Variants in XYLT1 observed in about 807,000 individuals in gnomAD.
XYLT1 encodes beta-D-xylosyltransferase 1.
XYLT1 carries 36 observed loss-of-function variants against 91.3 expected under a neutral mutation model. The ratio of observed to expected loss-of-function variants is 0.39; its 90% CI spans 0.30 to 0.52. XYLT1 has a LOEUF of 0.52. XYLT1 is among the 20% of genes least tolerant of loss of function. XYLT1 has a pLI of 0.68. For missense variants in XYLT1, 1,242 were observed against 1,284.5 expected (o/e 0.97, Z 0.51); for synonymous variants, 588 against 532.0 (o/e 1.11, Z -1.45).
chr16:17,359,257 G>T (rs1471164564), intron 1 of XYLT1, among the ~76,000 whole-genome samples: 3 of 152,162 alleles, frequency 2.0e-5, no homozygotes, highest in African/African-American at 7.2e-5. Context: ...TTGAAGCTTT[G>T]CTTTGTCTTA....
At chr16:17,310,248 C>T (rs1028844212) in intron 2 of XYLT1, among the ~76,000 whole-genome samples, 2 of 152,190 alleles carry the variant, frequency 1.3e-5, no homozygotes, top group Non-Finnish European at 2.9e-5. Flanking sequence ...CACACCAGGA[C>T]CTTTGCACAT....
chr16:17,363,517 G>C (rs1184430706), intron 1 of XYLT1, among the ~76,000 whole-genome samples: 3 of 152,068 alleles, frequency 2.0e-5, no homozygotes, highest in Non-Finnish European at 2.9e-5. Context: ...TGCATCCCGG[G>C]TATCTATGTG....
chr16:17,437,181 C>T (rs1028548753), intron 1 of XYLT1, among the ~76,000 whole-genome samples: 4 of 152,088 alleles, frequency 2.6e-5, no homozygotes, highest in Non-Finnish European at 4.4e-5. Context: ...GAACACTTTA[C>T]TCAAAGAACA....
chr16:17,111,237 A>G (rs1403339921), intron 11 of XYLT1, among the ~76,000 whole-genome samples: 2 of 152,200 alleles, frequency 1.3e-5, no homozygotes, highest in African/African-American at 2.4e-5. Context: ...GACTACTACT[A>G]CTACCTCCCA....
At chr16:17,209,746 T>C (rs974647028) in intron 3 of XYLT1, among the ~76,000 whole-genome samples, 2 of 152,158 alleles carry the variant, frequency 1.3e-5, no homozygotes, top group Non-Finnish European at 2.9e-5. Flanking sequence ...TGAGGCAAAA[T>C]AAAGCCATAC....
intron 3 of XYLT1, among the ~76,000 whole-genome samples, chr16:17,205,343 T>G (rs1177000171): frequency 6.6e-6 from 1 of 152,242 alleles, no homozygotes; most frequent in Non-Finnish European, 1.5e-5. Flanking sequence ...ACTGTTGTGG[T>G]GCTGGCAAAG....
Position 17,435,037 on chromosome 16 carries a change from C to T in XYLT1, c.363+35397G>A, listed in dbSNP as rs562428564. Reference sequence around the variant, plus strand: ...ACACACCTTAGTTCATCTTTCCTAGCTGGCTCTTTCTTGGCAGGGCTGGAC... The same window carrying T: ...ACACACCTTAGTTCATCTTTCCTAGTTGGCTCTTTCTTGGCAGGGCTGGAC... On this transcript the variant is annotated intron_variant, in intron 1 of 11. Transcript: ENST00000261381. 2.0e-5 allele frequency among the ~76,000 whole-genome samples: 3 copies of T among 152,336 alleles called. No homozygotes were observed. The East Asian group carries it at 5.8e-4, about 29-fold the overall frequency.
chr16:17,170,725 C>A (rs1361533870), intron 5 of XYLT1, among the ~76,000 whole-genome samples: 1 of 152,176 alleles, frequency 6.6e-6, no homozygotes, highest in African/African-American at 2.4e-5. Context: ...TTCATCCTGC[C>A]CTGGGTTTAT....
intron 2 of XYLT1, among the ~76,000 whole-genome samples, chr16:17,300,788 A>G (rs1454385935): frequency 6.6e-6 from 1 of 152,100 alleles, no homozygotes; most frequent in African/African-American, 2.4e-5. Flanking sequence ...AATGGGGGCC[A>G]TGATATATAT....
At chr16:17,127,525 C>T (rs188056498) in intron 10 of XYLT1, 141 bp downstream of exon 10, 197 of 1,041,948 alleles carry the variant, frequency 1.9e-4, no homozygotes, top group East Asian at 1.3e-3. Context: ...GAACCTTCTT[C>T]GGGCACAGGG....
At chr16:17,302,491 T>G (rs1260290320) in intron 2 of XYLT1, among the ~76,000 whole-genome samples, 3 of 152,174 alleles carry the variant, frequency 2.0e-5, no homozygotes, top group African/African-American at 7.2e-5. Context: ...CCACCTGCCA[T>G]GAGCAATGGC....
In XYLT1 at chr16:17,205,324, T is replaced by G. The variant is rs948002860; in HGVS notation, c.914-4670A>C. Among the ~76,000 whole-genome samples the G allele has an allele frequency of 4.6e-5, 7 of 152,260 alleles. 1 individual carries two copies. On this transcript the variant is annotated intron_variant, in intron 3 of 11. Coordinates refer to ENST00000261381, the MANE Select transcript of XYLT1 (RefSeq NM_022166.4). ...TGAAGGTGCTTTGCAAGGGTCAACA[T>G]GCTGTTCCACTGTTGTGGTGCTGGC... is the stretch of plus-strand genomic sequence containing the variant.
intron 2 of XYLT1, chr16:17,338,565 C>G: frequency 2.2e-6 from 1 of 453,934 alleles, no homozygotes; most frequent in Non-Finnish European, 4.4e-6. Context: ...CATCTCTGTT[C>G]TCTGTCGGGA....
chr16:17,128,462 C>G (rs139828626), intron 9 of XYLT1, among the ~76,000 whole-genome samples: 1 of 152,282 alleles, frequency 6.6e-6, no homozygotes, highest in South Asian at 2.1e-4. Flanking sequence ...TTTTTTGCTT[C>G]TCTAAACAAT....
chr16:17,437,035 C>T (rs1285993357), intron 1 of XYLT1, among the ~76,000 whole-genome samples: 1 of 152,154 alleles, frequency 6.6e-6, no homozygotes, highest in Non-Finnish European at 1.5e-5. Flanking sequence ...CCTGCATTAG[C>T]TCATTGAATC....
Position 17,259,025 on chromosome 16 carries a change from C to T in XYLT1, c.876G>A (p.Leu292=). The change falls in exon 3 of 12, where the codon CTG becomes CTA. Residue 292 remains leucine (L), a synonymous_variant. Transcript: ENST00000261381. ...AGAACCGAGTCACCTTCTCAGGCAT[C>T]AGCAGCCCTAACTTGTGGCGGCAGT... ...ETYCRHKLGL[L]MPEKVTRFCP... 1 of 1,511,376 alleles carries T rather than the reference C, an allele frequency of 6.6e-7. No individual in the cohort carries two copies. The allele number at this position is 1,511,376 out of a possible 1,614,324, so 93.6% of individuals were successfully genotyped here.
chr16:17,451,456 G>C (rs2036664865), intron 1 of XYLT1, among the ~76,000 whole-genome samples: 1 of 152,148 alleles, frequency 6.6e-6, no homozygotes. Context: ...ATCGGAACCT[G>C]AGCTGCAGGA....
At chr16:17,177,813 C>T (rs561091330) in intron 5 of XYLT1, among the ~76,000 whole-genome samples, 7 of 152,306 alleles carry the variant, frequency 4.6e-5, no homozygotes, top group African/African-American at 1.4e-4. Flanking sequence ...ACTAGAGGAA[C>T]ACATGTCCAG....
intron 1 of XYLT1, among the ~76,000 whole-genome samples, chr16:17,438,118 C>T (rs1030863524): frequency 1.3e-5 from 2 of 152,094 alleles, no homozygotes; most frequent in Non-Finnish European, 2.9e-5. Context: ...ACTAAGGGGC[C>T]CTTAATGGCC....
Sources: allele counts gnomAD v4.1 joint callset (sites outside exome capture counted in the v4.1 genomes callset), GRCh38; gene constraint gnomAD v4.1.1; transcripts MANE v1.5; gene names NCBI Gene and HGNC (gene_info 2026-07-23, HGNC 2026-07-21).